STXBP4: variants seen among roughly 807,000 people sequenced by gnomAD.
STXBP4 encodes syntaxin-binding protein 4.
Under a neutral mutation model 76.1 loss-of-function variants are expected in STXBP4, and 55 were observed. That is an observed-to-expected ratio of 0.72 (90% confidence interval 0.58 to 0.91). The LOEUF (loss-of-function observed/expected upper bound fraction) is 0.91, where lower values mean the gene tolerates loss of function less well. Among genes scored for constraint, STXBP4 ranks in the 40% least tolerant of loss-of-function variants. The pLI, the probability that STXBP4 is intolerant of heterozygous loss-of-function variation, is 0.00. For synonymous variants in STXBP4, 201 were observed against 220.2 expected (o/e 0.91, Z 0.77); for missense variants, 618 against 636.9 (o/e 0.97, Z 0.32).
At chr17:55,154,016 C>T (rs761096823) in intron 17 of STXBP4, among the ~76,000 whole-genome samples, 1 of 152,072 alleles carries the variant, frequency 6.6e-6, no homozygotes, top group African/African-American at 2.4e-5. Context: ...TCTAGAGTGA[C>T]GCTATCTGAA....
chr17:55,166,901 C>T lies in STXBP4; in HGVS notation c.*6990C>T, dbSNP rs577295138. The T allele has an allele frequency of 3.9e-4, 60 of 152,348 alleles. No homozygotes were observed. Among genetic ancestry groups the T allele is most frequent in the African/African-American group, 1.4e-3 (58 of 41,562 alleles). 9.4% of individuals were successfully genotyped at this position (152,348 alleles called of 1,614,324 possible). A position where few individuals can be genotyped will look rare whatever the true frequency, so the allele number is the denominator to read the frequency against. On this transcript the variant is annotated 3_prime_UTR_variant, in exon 18 of 18. Transcript: ENST00000376352. ...CCATGTGGTAATGAAAACCGGAACT[C>T]TGGTTAAAGCTAAGTGGTCTCTCTC...
chr17:55,124,352 T>A (rs755117714), intron 16 of STXBP4, among the ~76,000 whole-genome samples: 4 of 152,218 alleles, frequency 2.6e-5, no homozygotes, highest in Non-Finnish European at 4.4e-5. Flanking sequence ...ACATGCTGTT[T>A]TGGAAGGCAT....
chr17:55,022,601 A>C (rs1567723387), intron 8 of STXBP4, among the ~76,000 whole-genome samples: 2 of 152,228 alleles, frequency 1.3e-5, no homozygotes, highest in African/African-American at 2.4e-5. Flanking sequence ...AGTACATGTC[A>C]GACAATAAGA....
chr17:55,180,059 C>T, the STXBP4 span, among the ~76,000 whole-genome samples: 1 of 152,160 alleles, frequency 6.6e-6, no homozygotes, highest in South Asian at 2.1e-4. Flanking sequence ...AAGAGCTGAG[C>T]TTGACATGAA....
chr17:55,079,105 T>G (rs1329242706), intron 15 of STXBP4, among the ~76,000 whole-genome samples: 1 of 152,160 alleles, frequency 6.6e-6, no homozygotes, highest in Non-Finnish European at 1.5e-5. Context: ...ACCCAGCAGG[T>G]TAGTTGTTCT....
intron 4 of STXBP4, among the ~76,000 whole-genome samples, chr17:54,992,409 T>G (rs1391947222): frequency 6.7e-6 from 1 of 148,950 alleles, no homozygotes; most frequent in Non-Finnish European, 1.5e-5. Context: ...AACAAGACCC[T>G]GTCTCAAAAA....
At chr17:55,147,954 G>A (rs2080175339) in intron 17 of STXBP4, among the ~76,000 whole-genome samples, 3 of 152,176 alleles carry the variant, frequency 2.0e-5, no homozygotes, top group Non-Finnish European at 1.5e-5. Flanking sequence ...CTTCTAGAGT[G>A]TATTGCTAGC....
At chr17:55,056,026 A>C (rs2078919136) in intron 12 of STXBP4, among the ~76,000 whole-genome samples, 1 of 152,208 alleles carries the variant, frequency 6.6e-6, no homozygotes, top group Non-Finnish European at 1.5e-5. Context: ...CTTTAAGGTT[A>C]AACTGACAGC....
intron 12 of STXBP4, 141 bp downstream of exon 12, chr17:55,047,295 A>G: frequency 2.1e-6 from 1 of 474,228 alleles, no homozygotes; most frequent in East Asian, 3.4e-5. Context: ...ACATAATACA[A>G]AATAGCACAG....
chr17:55,156,670 CT>C (rs1202353670), intron 17 of STXBP4, among the ~76,000 whole-genome samples: 1 of 152,122 alleles, frequency 6.6e-6, no homozygotes, highest in East Asian at 1.9e-4. Flanking sequence ...CTCTCTGTTG[CT>C]TTAGTTTTAT....
rs185847807 is a variant in STXBP4 at position 55,171,274 on chromosome 17, T to C, written c.*11363T>C. On this transcript the variant is annotated 3_prime_UTR_variant, in exon 18 of 18. Transcript: ENST00000376352. ...TTGCAAGAAGCACAAAATCCTAGAA[T>C]TGAGGTGAATTTGTAAGTTCCTCTA... 3 of 152,298 alleles carry C rather than the reference T, an allele frequency of 2.0e-5. No homozygotes were observed. The highest frequency in any genetic ancestry group is 7.2e-5 in the African/African-American group (3 of 41,556). The allele number at this position is 152,298 out of a possible 1,614,324, so 9.4% of individuals were successfully genotyped here.
At chr17:55,060,980 G>A (rs2078987605) in intron 12 of STXBP4, among the ~76,000 whole-genome samples, 1 of 152,224 alleles carries the variant, frequency 6.6e-6, no homozygotes, top group African/African-American at 2.4e-5. Context: ...AAAGAAACAT[G>A]GGATATTAAG....
At chr17:55,023,958 G>T (rs1269600091) in intron 8 of STXBP4, among the ~76,000 whole-genome samples, 3 of 143,112 alleles carry the variant, frequency 2.1e-5, no homozygotes, top group Non-Finnish European at 4.6e-5. Flanking sequence ...CTAGAGAAAT[G>T]CTCCAACCCA....
chr17:55,137,506 AG>A (rs2080044898), intron 16 of STXBP4, among the ~76,000 whole-genome samples: 1 of 152,154 alleles, frequency 6.6e-6, no homozygotes, highest in Non-Finnish European at 1.5e-5. Flanking sequence ...ACATATCTAT[AG>A]GATAAGTTTC....
At chr17:55,191,604 T>C in the STXBP4 span, among the ~76,000 whole-genome samples, 4 of 152,186 alleles carry the variant, frequency 2.6e-5, no homozygotes, top group Non-Finnish European at 4.4e-5. Context: ...CCCATCTCTC[T>C]TAGTCTCTTT....
chr17:55,179,315 G>GA, the STXBP4 span, among the ~76,000 whole-genome samples: 5 of 150,300 alleles, frequency 3.3e-5, no homozygotes, highest in South Asian at 2.1e-4. Flanking sequence ...CTAGAGCATG[G>GA]AAAAAAAAAT....
chr17:55,033,219 C>A (rs2144689973), intron 9 of STXBP4, among the ~76,000 whole-genome samples: 1 of 151,762 alleles, frequency 6.6e-6, no homozygotes, highest in Non-Finnish European at 1.5e-5. Context: ...ATTAAAAATA[C>A]AAAAATCAGC....
Position 54,990,843 on chromosome 17 carries a change from G to T in STXBP4, c.66G>T (p.Met22Ile), listed in dbSNP as rs765530887. The T allele has an allele frequency of 3.1e-6, 5 of 1,604,236 alleles. No homozygotes were observed. The highest frequency in any genetic ancestry group is 1.1e-5 in the South Asian group (1 of 88,954). Residue 22 changes from methionine (M) to isoleucine (I), a missense_variant, in exon 4 of 18, where the codon ATG becomes ATT. Transcript: ENST00000376352. ...SLLEKDPAFQMITIAKETGLG... is the reference protein window; with the variant it reads ...SLLEKDPAFQIITIAKETGLG... The stretch of plus-strand genomic sequence containing the variant: ...ATCTTAGGGATCCTGCCTTTCAGAT[G>T]ATTACAATTGCCAAGGAAACAGGCC...
rs778811461 is a variant in STXBP4 at position 54,990,899 on chromosome 17, G to A, written c.122G>A (p.Arg41Gln). The change falls in exon 4 of 18, where the codon CGG (arginine) becomes CAG (glutamine). Residue 41 changes from arginine (R) to glutamine (Q), a missense_variant. Transcript: ENST00000376352. ...CTGAAGGTACTAGGAGGAATTAACC[G>A]GAATGAAGGCCCATTGGTATATATT... Reference protein sequence around the residue: ...LGLKVLGGINRNEGPLVYIQE... With the variant: ...LGLKVLGGINQNEGPLVYIQE... 4.9e-5 allele frequency: 79 copies of A among 1,603,796 alleles called. No homozygotes were observed. The highest frequency in any genetic ancestry group is 6.8e-5 in the East Asian group (3 of 44,376).
Sources: gnomAD v4.1 joint callset for allele counts (sites outside exome capture counted in the v4.1 genomes callset) on GRCh38, gnomAD v4.1.1 for gene constraint, MANE v1.5 for transcripts, NCBI Gene and HGNC (gene_info 2026-07-23, HGNC 2026-07-21) for gene names.